The following GFI1B variants were observed in gnomAD, a reference collection of about 807,000 sequenced individuals.
The protein encoded by GFI1B is growth factor independent 1B transcriptional repressor.
Under a neutral mutation model 35.3 loss-of-function variants are expected in GFI1B, and 20 were observed. The ratio of observed to expected loss-of-function variants is 0.57; its 90% CI spans 0.40 to 0.82. The LOEUF is 0.82. Among genes scored for constraint, GFI1B ranks in the 40% least tolerant of loss-of-function variants. GFI1B has a pLI of 0.00. For synonymous variants in GFI1B, 178 were observed against 177.6 expected (o/e 1.00, Z -0.02); for missense variants, 430 against 446.3 (o/e 0.96, Z 0.33).
At chr9:132,947,916 A>G (rs1013492798) in intron 1 of GFI1B, among the ~76,000 whole-genome samples, 4 of 93,914 alleles carry the variant, frequency 4.3e-5, no homozygotes, top group African/African-American at 1.6e-4. Context: ...GTATTTGAAC[A>G]GTTTGAACAC....
upstream of GFI1B, among the ~76,000 whole-genome samples, chr9:132,976,129 T>A (rs11243969): frequency 0.066 from 10,040 of 152,246 alleles, 408 homozygotes; most frequent in East Asian, 0.15. Context: ...TTGAACTGCA[T>A]GTGCCTGATA....
chr9:132,977,020 C>A (rs990289768), upstream of GFI1B, among the ~76,000 whole-genome samples: 14 of 152,166 alleles, frequency 9.2e-5, no homozygotes, highest in Admixed American at 5.9e-4. Flanking sequence ...TGCAATGGTG[C>A]GATCTGGACT....
chr9:132,990,980 T>C lies in GFI1B; in HGVS notation c.923T>C (p.Leu308Pro), dbSNP rs775963992. The C allele has an allele frequency of 2.5e-6, 4 of 1,614,082 alleles. No individual in the cohort carries two copies. The Admixed American group carries it at 6.7e-5, about 27-fold the overall frequency. ...HTGFKPFSCE[L>P]CTKGFQRKVD... ...GGCTTCAAGCCCTTCAGCTGTGAGC[T>C]GTGCACCAAAGGCTTCCAGCGCAAG... Residue 308 changes from leucine to proline, a missense_variant, in exon 7 of 7, where the codon CTG becomes CCG. Coordinates refer to ENST00000372122, the MANE Select transcript of GFI1B (RefSeq NM_001377304.1).
chr9:132,964,478 G>A (rs1225442581), intron 1 of GFI1B, among the ~76,000 whole-genome samples: 5 of 152,074 alleles, frequency 3.3e-5, no homozygotes, highest in African/African-American at 1.2e-4. Context: ...TCAATTTTCA[G>A]CCACTTGTAT....
chr9:132,992,741 G>GC, downstream of GFI1B, among the ~76,000 whole-genome samples: 1 of 152,258 alleles, frequency 6.6e-6, no homozygotes, highest in African/African-American at 2.4e-5. Context: ...CAGCTTAGGA[G>GC]CCATTGAATG....
chr9:132,963,263 C>CCT (rs1848395958), intron 1 of GFI1B, among the ~76,000 whole-genome samples: 1 of 151,300 alleles, frequency 6.6e-6, no homozygotes, highest in Non-Finnish European at 1.5e-5. Flanking sequence ...GGGCAGATCA[C>CCT]GAGGTCAAGA....
At chr9:132,955,266 AGGTTGAT>A (rs1380053441) in intron 1 of GFI1B, among the ~76,000 whole-genome samples, 4 of 151,984 alleles carry the variant, frequency 2.6e-5, no homozygotes, top group African/African-American at 9.7e-5. Flanking sequence ...ATAGAATTCT[AGGTTGAT>A]GGTTTCTTTC....
intron 1 of GFI1B, among the ~76,000 whole-genome samples, chr9:132,972,077 C>A (rs1197262139): frequency 6.6e-6 from 1 of 151,482 alleles, no homozygotes. Context: ...GAGTTTGAGA[C>A]CAACCTGGAC....
chr9:132,946,683 G>C (rs1848111410), intron 1 of GFI1B: 1 of 152,260 alleles, frequency 6.6e-6, no homozygotes, highest in South Asian at 2.1e-4. Flanking sequence ...ACCAGTGATG[G>C]GAGACCTAAG....
chr9:132,955,583 T>C (rs1848269663), intron 1 of GFI1B, among the ~76,000 whole-genome samples: 1 of 152,248 alleles, frequency 6.6e-6, no homozygotes, highest in Non-Finnish European at 1.5e-5. Context: ...TTAGCTACTG[T>C]GCCCAGCCTC....
At chr9:132,982,202 C>T (rs988142016) in intron 1 of GFI1B, among the ~76,000 whole-genome samples, 6 of 152,248 alleles carry the variant, frequency 3.9e-5, no homozygotes, top group African/African-American at 7.2e-5. Context: ...TGAAGGTCAA[C>T]GAATTCTACA....
chr9:132,959,592 A>G lies in GFI1B; in HGVS notation c.-700-13133A>G, dbSNP rs114943258. 4.4e-3 allele frequency among the ~76,000 whole-genome samples: 663 copies of G among 152,342 alleles called. 5 individuals carry two copies. The highest frequency in any genetic ancestry group is 0.015 in the African/African-American group (629 of 41,582). ...GCTATATTCATTTCCCAGGGCTGCC[A>G]TAACAAGTTACTGCAAACTGGGTGG... On this transcript the variant is annotated intron_variant, in intron 1 of 10. Transcript: ENST00000339463.
intron 1 of GFI1B, among the ~76,000 whole-genome samples, chr9:132,958,547 G>A (rs974575532): frequency 3.9e-5 from 6 of 152,112 alleles, no homozygotes; most frequent in African/African-American, 1.4e-4. Context: ...CTATCAAGAG[G>A]ACAGTACCAA....
chr9:132,984,250 CT>C (rs1848939963), intron 1 of GFI1B, among the ~76,000 whole-genome samples: 1 of 152,172 alleles, frequency 6.6e-6, no homozygotes, highest in Non-Finnish European at 1.5e-5. Context: ...TCCTCTCCCC[CT>C]AGGGTCTGGC....
At chr9:132,979,496 C>G (rs1167051995) in intron 1 of GFI1B, among the ~76,000 whole-genome samples, 1 of 152,130 alleles carries the variant, frequency 6.6e-6, no homozygotes, top group Non-Finnish European at 1.5e-5. Context: ...GCCTCAGCCT[C>G]CCAAAGTGTT....
At chr9:132,957,665 C>G (rs890797258) in intron 1 of GFI1B, among the ~76,000 whole-genome samples, 4 of 151,712 alleles carry the variant, frequency 2.6e-5, no homozygotes, top group Admixed American at 2.6e-4. Flanking sequence ...TAGCAGACAC[C>G]CAGACCATTT....
Position 132,989,258 on chromosome 9 carries a change from G to A in GFI1B, c.648+60G>A. The A allele has an allele frequency of 6.5e-7, 1 of 1,533,108 alleles. No individual in the cohort carries two copies. Among genetic ancestry groups the A allele is most frequent in the South Asian group, 1.1e-5 (1 of 89,544 alleles). The allele number at this position is 1,533,108 out of a possible 1,614,324, so 95.0% of individuals were successfully genotyped here. On this transcript the variant is annotated intron_variant, in intron 5 of 6. Transcript: ENST00000372122. The surrounding 1 kb of genome is among the most constrained non-coding windows in gnomAD (Gnocchi z 6.2). ...CACTCCTTCTCTGTGCTTCCCCAGG[G>A]AGCCTGGGGGCTGTGGCTGGGTCCC...
intron 1 of GFI1B, among the ~76,000 whole-genome samples, chr9:132,984,684 T>A (rs1242802569): frequency 6.6e-6 from 1 of 152,202 alleles, no homozygotes; most frequent in African/African-American, 2.4e-5. Flanking sequence ...CCCATGTGGT[T>A]GGATTGGGAT....
chr9:132,955,785 A>G (rs1848272467), intron 1 of GFI1B, among the ~76,000 whole-genome samples: 1 of 148,786 alleles, frequency 6.7e-6, no homozygotes, highest in Non-Finnish European at 1.5e-5. Context: ...AGCAGAACCA[A>G]CGTGATGTGT....
Sources: gnomAD v4.1 joint callset for allele counts (sites outside exome capture counted in the v4.1 genomes callset) on GRCh38, gnomAD v4.1.1 for gene constraint, Gnocchi (gnomAD v3.1) non-coding constraint, MANE v1.5 for transcripts, NCBI Gene and HGNC (gene_info 2026-07-23, HGNC 2026-07-21) for gene names.